Variants in ACP6 observed in about 807,000 individuals in gnomAD.
The protein encoded by ACP6 is lysophosphatidic acid phosphatase type 6.
ACP6 carries 48 observed loss-of-function variants against 48.1 expected under a neutral mutation model. The observed-to-expected ratio is 1.00, with a 90% CI of 0.79 to 1.27. The LOEUF (loss-of-function observed/expected upper bound fraction) is 1.27. ACP6 is among the 50% of genes most tolerant of loss of function. The probability of loss-of-function intolerance (pLI) is 0.00; values close to 1 mark genes in which losing one functional copy is unlikely to be tolerated. For missense variants in ACP6, 485 were observed against 529.1 expected (o/e 0.92, Z 0.82); for synonymous variants, 172 against 204.2 (o/e 0.84, Z 1.34).
Position 147,642,471 on chromosome 1 carries a change from A to AT in ACP6, c.*4951dup, listed in dbSNP as rs763696811. ...AAGGTAAAGAGGCCAGAGGAGTGCGATTTCCTTTTTTTTTAAACATACTAT... is the reference window on the plus strand; with the variant it reads ...AAGGTAAAGAGGCCAGAGGAGTGCGATTTTCCTTTTTTTTTAAACATACTAT... On this transcript the variant is annotated 3_prime_UTR_variant, in exon 10 of 10. Transcript: ENST00000583509. 1.6e-4 allele frequency: 2 copies of AT among 12,640 alleles called. No individual in the cohort carries two copies. The highest frequency in any genetic ancestry group is 4.8e-3 in the East Asian group (2 of 420). 0.8% of individuals were successfully genotyped at this position (12,640 alleles called of 1,614,324 possible).
intron 5 of ACP6, among the ~76,000 whole-genome samples, chr1:147,633,005 G>A (rs1373092523): frequency 2.0e-5 from 3 of 152,250 alleles, no homozygotes; most frequent in East Asian, 1.9e-4. Context: ...AGGTAGAATC[G>A]TGGTGTTGGA....
chr1:147,652,705 A>C (rs937660639), intron 6 of ACP6, 156 bp from the exon 7 acceptor site: 19 of 1,500,968 alleles, frequency 1.3e-5, no homozygotes, highest in Non-Finnish European at 1.6e-5. Flanking sequence ...TCAAGAAGCT[A>C]TGTCTCTAAA....
chr1:147,670,239 G>A lies in ACP6; in HGVS notation c.-191C>T. On this transcript the variant is annotated 5_prime_UTR_variant, in exon 1 of 10. Transcript: ENST00000583509. Reference sequence around the variant, plus strand: ...AGACCCCGAGTGGGAACGGGGGAGAGAACAAGAGGTGGCAGCAGCGAAGAG... The same window carrying A: ...AGACCCCGAGTGGGAACGGGGGAGAAAACAAGAGGTGGCAGCAGCGAAGAG... The A allele has an allele frequency of 1.8e-6, 1 of 560,714 alleles. No individual in the cohort carries two copies. 34.7% of individuals were successfully genotyped at this position (560,714 alleles called of 1,614,324 possible). A position where few individuals can be genotyped will look rare whatever the true frequency, so the allele number is the denominator to read the frequency against.
chr1:147,659,024 G>C lies in ACP6; in HGVS notation c.495C>G (p.Asn165Lys). 7.4e-6 allele frequency: 12 copies of C among 1,611,590 alleles called. No individual in the cohort carries two copies. The highest frequency in any genetic ancestry group is 1.0e-5 in the Non-Finnish European group (12 of 1,178,938). The change falls in exon 4 of 10, where the codon AAC (asparagine) becomes AAG (lysine). Residue 165 changes from asparagine to lysine, a missense_variant. Transcript: ENST00000583509. ...NPQEVFIRST[N>K]IFRNLESTRC... ...GGGTGGACTCCAGATTCCGAAAAAT[G>C]TTAGTGGAACGAATACTGAAAAAAA...
At chr1:147,656,769 C>T (rs1263460948) in intron 4 of ACP6, among the ~76,000 whole-genome samples, 3 of 152,196 alleles carry the variant, frequency 2.0e-5, no homozygotes, top group African/African-American at 7.2e-5. Context: ...TTGCTGCATA[C>T]AATTGGTCCT....
intron 5 of ACP6, among the ~76,000 whole-genome samples, chr1:147,632,850 C>T (rs1291481490): frequency 6.6e-5 from 10 of 151,842 alleles, no homozygotes; most frequent in African/African-American, 1.9e-4. Flanking sequence ...AGGCTCCTGG[C>T]GATTCAGTGG....
chr1:147,641,359 C>T (rs1659447553), downstream of ACP6, among the ~76,000 whole-genome samples: 1 of 152,194 alleles, frequency 6.6e-6, no homozygotes, highest in African/African-American at 2.4e-5. Flanking sequence ...GTGGAACTAA[C>T]TGTTACAGGG....
intron 4 of ACP6, among the ~76,000 whole-genome samples, chr1:147,657,043 G>A (rs587745220): frequency 2.0e-5 from 3 of 152,272 alleles, no homozygotes; most frequent in South Asian, 2.1e-4. Context: ...GTATCTGCCC[G>A]GGGAGAGGGT....
rs1553209417 is a variant in ACP6, at chr1:147,646,273, T to C, written c.*1150A>G. ...GGCAACTGGGTGGAGAGTGGAGGTGTCTTTCATTCAGATAGGGAAGTGTGT... is the reference window on the plus strand; with the variant it reads ...GGCAACTGGGTGGAGAGTGGAGGTGCCTTTCATTCAGATAGGGAAGTGTGT... On this transcript the variant is annotated 3_prime_UTR_variant, in exon 10 of 10. Coordinates refer to ENST00000583509, the MANE Select transcript of ACP6 (RefSeq NM_016361.5). The C allele has an allele frequency of 6.6e-6, 1 of 152,114 alleles. No individual in the cohort carries two copies. The highest frequency in any genetic ancestry group is 1.5e-5 in the Non-Finnish European group (1 of 68,020). The allele number at this position is 152,114 out of a possible 1,614,324, so 9.4% of individuals were successfully genotyped here.
At chr1:147,659,839 C>A in intron 1 of ACP6, 64 bp from the exon 2 acceptor site, 1 of 1,569,816 alleles carries the variant, frequency 6.4e-7, no homozygotes, top group Non-Finnish European at 8.6e-7. Flanking sequence ...ATAGCATTAA[C>A]ATCTCAAGCA....
Position 147,659,803 on chromosome 1 carries a change from T to C in ACP6, c.220-28A>G, listed in dbSNP as rs367743974. The C allele has an allele frequency of 3.1e-6, 5 of 1,610,120 alleles. No individual in the cohort carries two copies. In the African/African-American group the frequency reaches 4.0e-5, roughly 13 times the overall value. On this transcript the variant is annotated intron_variant, in intron 1 of 9. Transcript: ENST00000583509. ...GTTAGTACAAAAAAAACACACCACA[T>C]TGTTTAAAAATGGTTCTTGAAATGT...
intron 8 of ACP6, among the ~76,000 whole-genome samples, chr1:147,649,451 A>AT (rs781845181): frequency 0.97 from 144,121 of 148,106 alleles, 70,118 homozygotes; most frequent in East Asian, 1. Context: ...TACTTCCAAC[A>AT]TTTTTTTTTT....
intron 4 of ACP6, among the ~76,000 whole-genome samples, chr1:147,656,449 C>T (rs2148909575): frequency 6.6e-6 from 1 of 152,342 alleles, no homozygotes; most frequent in Non-Finnish European, 1.5e-5. Context: ...CCTCAGACCC[C>T]TCTGAAGAAT....
chr1:147,641,889 G>A (rs1294958683), downstream of ACP6, among the ~76,000 whole-genome samples: 1 of 152,202 alleles, frequency 6.6e-6, no homozygotes, highest in Non-Finnish European at 1.5e-5. Context: ...CTGCAGAGGA[G>A]CATCCCCAAA....
downstream of ACP6, among the ~76,000 whole-genome samples, chr1:147,637,949 GA>G (rs1295711813): frequency 5.3e-5 from 8 of 152,040 alleles, no homozygotes; most frequent in African/African-American, 1.4e-4. Flanking sequence ...GCAAATCTTT[GA>G]AAAAAACGTG....
chr1:147,652,381 C>T, intron 7 of ACP6, 68 bp downstream of exon 7: 1 of 1,484,962 alleles, frequency 6.7e-7, no homozygotes, highest in Non-Finnish European at 9.1e-7. Flanking sequence ...GCCTGATGAA[C>T]TCCTCTTCCC....
exon 6 of ACP6, chr1:147,630,058 C>A (rs782820244): frequency 6.6e-6 from 1 of 152,208 alleles, no homozygotes; most frequent in South Asian, 2.1e-4. Context: ...TCACCAAACA[C>A]GAAAGAAACC....
chr1:147,662,433 T>C (rs1270015740), intron 1 of ACP6, among the ~76,000 whole-genome samples: 3 of 152,194 alleles, frequency 2.0e-5, no homozygotes, highest in Non-Finnish European at 4.4e-5. Context: ...AGAACATTTA[T>C]AAGGAGGAGG....
chr1:147,656,905 C>G (rs1660286628), intron 4 of ACP6, among the ~76,000 whole-genome samples: 1 of 152,102 alleles, frequency 6.6e-6, no homozygotes. Context: ...CAGGGTAATA[C>G]ACAGCATTTA....
Sources: allele counts gnomAD v4.1 joint callset (sites outside exome capture counted in the v4.1 genomes callset), GRCh38; gene constraint gnomAD v4.1.1; transcripts MANE v1.5; gene names NCBI Gene and HGNC (gene_info 2026-07-23, HGNC 2026-07-21).